Variants in ZNF157 observed in about 807,000 individuals in gnomAD.
ZNF157 encodes the protein zinc finger protein 157.
A neutral mutation model predicts 9.4 loss-of-function variants in ZNF157; 8 were observed. The observed-to-expected ratio is 0.85, with a 90% confidence interval of 0.50 to 1.53. ZNF157 has a LOEUF of 1.53. ZNF157 is among the 40% of genes most tolerant of loss of function. The probability of loss-of-function intolerance (pLI) is 0.00; values close to 1 mark genes in which losing one functional copy is unlikely to be tolerated. For missense variants in ZNF157, 316 were observed against 385.2 expected, an observed-to-expected ratio of 0.82 and a Z score of 1.50; for synonymous variants, 120 against 130.8, an observed-to-expected ratio of 0.92 and a Z score of 0.56.
chrX:47,408,943 A>G (rs1190846705), intron 1 of ZNF157, among the ~76,000 whole-genome samples: 1 of 112,034 alleles, frequency 8.9e-6, no homozygotes, highest in East Asian at 2.8e-4. Flanking sequence ...ACACAGATCC[A>G]AACCATATCA....
In ZNF157 at chrX:47,370,880, G is replaced by A. The variant is rs190949460; in HGVS notation, c.72+140G>A. On this transcript the variant is annotated intron_variant, in intron 1 of 3. Transcript: ENST00000377073. ...TTTTTGTCCCCAGTAGTAACATCTCGTAATACCCAGGATATTGACATGCAG... is the reference window on the plus strand; with the variant it reads ...TTTTTGTCCCCAGTAGTAACATCTCATAATACCCAGGATATTGACATGCAG... 81 of 499,248 alleles carry A rather than the reference G, an allele frequency of 1.6e-4. No individual in the cohort carries two copies. The Admixed American group carries it at 3.0e-3, about 18-fold the overall frequency. The allele number at this position is 499,248 out of a possible 1,213,427, so 41.1% of individuals were successfully genotyped here. A position where few individuals can be genotyped will look rare whatever the true frequency, so the allele number is the denominator to read the frequency against.
intron 1 of ZNF157, among the ~76,000 whole-genome samples, chrX:47,386,873 A>G (rs2055881128): frequency 8.9e-6 from 1 of 112,311 alleles, no homozygotes; most frequent in South Asian, 3.7e-4. Flanking sequence ...AGGAAGAAAA[A>G]AAAGAAGAAA....
At chrX:47,410,162 G>A in intron 1 of ZNF157, 114 bp from the exon 2 acceptor site, 1 of 1,026,554 alleles carries the variant, frequency 9.7e-7, no homozygotes, top group Non-Finnish European at 1.4e-6. Context: ...CACAAAATCA[G>A]GTATCCAGTG....
At position 47,412,364 on chromosome X, in the gene ZNF157, T is replaced by C; in HGVS notation, c.296-5T>C. The C allele has an allele frequency of 8.5e-7, 1 of 1,171,622 alleles. No homozygotes were observed. Among genetic ancestry groups the C allele is most frequent in the Admixed American group, 2.5e-5 (1 of 39,782 alleles). Reference sequence around the variant, plus strand: ...AGAGTGACATGCTGTGATTTATTTTTAAAGGATCTCTCTCACTGCTGTGTG... The same window carrying C: ...AGAGTGACATGCTGTGATTTATTTTCAAAGGATCTCTCTCACTGCTGTGTG... On this transcript the variant is annotated splice_region_variant and splice_polypyrimidine_tract_variant and intron_variant, in intron 3 of 3. Transcript: ENST00000377073.
chrX:47,413,340 T>C lies in ZNF157; in HGVS notation c.1267T>C (p.Phe423Leu). ...CGAATGTAGTGAATGTGGGAAAATC[T>C]TCAGTATGAAGAAATCCCTTTGTCA... The part of the protein sequence containing the change: ...PYECSECGKI[F>L]SMKKSLCQHR... Residue 423 changes from phenylalanine to leucine, a missense_variant, in exon 4 of 4, where the codon TTC (phenylalanine) becomes CTC (leucine). Physicochemically the swap from Phe to Leu is conservative, Grantham distance 22. Transcript: ENST00000377073. 1 of 1,211,658 alleles carries C rather than the reference T, an allele frequency of 8.3e-7. No homozygotes were observed. Among genetic ancestry groups the C allele is most frequent in the African/African-American group, 1.7e-5 (1 of 57,871 alleles).
chrX:47,394,413 A>C (rs1021225829), intron 1 of ZNF157, among the ~76,000 whole-genome samples: 3 of 111,775 alleles, frequency 2.7e-5, no homozygotes, highest in African/African-American at 9.7e-5. Flanking sequence ...CAAATCATCA[A>C]GTACTGGTTC....
At chrX:47,395,359 A>C (rs1435675818) in intron 1 of ZNF157, among the ~76,000 whole-genome samples, 3 of 111,638 alleles carry the variant, frequency 2.7e-5, no homozygotes, top group Non-Finnish European at 5.6e-5. Flanking sequence ...TTAATTGTAG[A>C]TGTTAATCAC....
chrX:47,410,543 C>T lies in ZNF157; in HGVS notation c.200-137C>T, dbSNP rs1449737474. The T allele has an allele frequency of 5.3e-6, 5 of 942,383 alleles. No individual in the cohort carries two copies. The South Asian group carries it at 9.5e-5, about 18-fold the overall frequency. The allele number at this position is 942,383 out of a possible 1,213,427, so 77.7% of individuals were successfully genotyped here. ...TTTAGGGCACCAGAAAAAATGTGTGCGTTCTTACTTCCCCAATGAAAGGTT... is the reference window on the plus strand; with the variant it reads ...TTTAGGGCACCAGAAAAAATGTGTGTGTTCTTACTTCCCCAATGAAAGGTT... On this transcript the variant is annotated intron_variant, in intron 2 of 3. Coordinates refer to ENST00000377073, the MANE Select transcript of ZNF157 (RefSeq NM_003446.4).
At chrX:47,393,983 G>A (rs1304394967) in intron 1 of ZNF157, among the ~76,000 whole-genome samples, 1 of 103,731 alleles carries the variant, frequency 9.6e-6, no homozygotes, top group Non-Finnish European at 2.0e-5. Flanking sequence ...TTTTTTTTGA[G>A]ATGGGGTCTT....
intron 1 of ZNF157, among the ~76,000 whole-genome samples, chrX:47,400,798 G>C (rs2055928347): frequency 1.8e-5 from 2 of 111,835 alleles, no homozygotes; most frequent in African/African-American, 6.5e-5. Flanking sequence ...TGGAACTACA[G>C]GCATGTGCCA....
At chrX:47,398,891 C>T (rs950748021) in intron 1 of ZNF157, among the ~76,000 whole-genome samples, 15 of 111,843 alleles carry the variant, frequency 1.3e-4, no homozygotes, top group African/African-American at 4.2e-4. Flanking sequence ...AGGCTGGTCT[C>T]GAACTCCTGA....
chrX:47,385,595 C>T (rs1476135836), intron 1 of ZNF157, among the ~76,000 whole-genome samples: 1 of 105,267 alleles, frequency 9.5e-6, no homozygotes, highest in Non-Finnish European at 2.0e-5. Context: ...GAGACAGAGT[C>T]TTGCTCATGT....
At chrX:47,375,086 G>A (rs766484604) in intron 1 of ZNF157, among the ~76,000 whole-genome samples, 45 of 83,103 alleles carry the variant, frequency 5.4e-4, no homozygotes, top group Non-Finnish European at 8.9e-4. Flanking sequence ...GCACGATCTT[G>A]GCTCACTGCA....
rs2055974857 is a variant in ZNF157, at chrX:47,413,791, T to G, written c.*197T>G. The G allele has an allele frequency of 1.3e-5, 8 of 620,739 alleles. No individual in the cohort carries two copies. The highest frequency in any genetic ancestry group is 1.6e-5 in the Non-Finnish European group (7 of 447,340). The allele number at this position is 620,739 out of a possible 1,213,427, so 51.2% of individuals were successfully genotyped here. A position where few individuals can be genotyped will look rare whatever the true frequency, so the allele number is the denominator to read the frequency against. On this transcript the variant is annotated 3_prime_UTR_variant, in exon 4 of 4. Coordinates refer to ENST00000377073, the MANE Select transcript of ZNF157 (RefSeq NM_003446.4). ...TTATCTGTTGATTGGCTATTTGGGT[T>G]TTTTCTTCTGTGCATTGACTGTTCA...
chrX:47,398,976 T>G (rs1245526923), intron 1 of ZNF157, among the ~76,000 whole-genome samples: 1 of 110,391 alleles, frequency 9.1e-6, no homozygotes, highest in Non-Finnish European at 1.9e-5. Flanking sequence ...CTGGCCTGTA[T>G]TTTTTAGTAG....
chrX:47,377,747 T>TA (rs200096522), intron 1 of ZNF157, among the ~76,000 whole-genome samples: 2,084 of 97,910 alleles, frequency 0.021, 56 homozygotes, highest in African/African-American at 0.082. Context: ...TTTTTTTTTT[T>TA]TAAAAAAAAC....
chrX:47,411,997 C>T (rs1361746870), intron 3 of ZNF157, among the ~76,000 whole-genome samples: 4 of 111,406 alleles, frequency 3.6e-5, no homozygotes, highest in South Asian at 7.5e-4. Flanking sequence ...CTCACTCTGT[C>T]GCCCAGACTG....
intron 1 of ZNF157, among the ~76,000 whole-genome samples, chrX:47,408,624 C>T (rs1470166472): frequency 9.0e-6 from 1 of 111,047 alleles, no homozygotes; most frequent in African/African-American, 3.3e-5. Flanking sequence ...CACCATGTTG[C>T]CCAGTCTGCT....
At chrX:47,375,697 CTTT>C (rs59526891) in intron 1 of ZNF157, among the ~76,000 whole-genome samples, 3 of 96,525 alleles carry the variant, frequency 3.1e-5, no homozygotes, top group Middle Eastern at 5.2e-3. Context: ...GTAGTTTTGC[CTTT>C]TTTTTTTTTT....
Sources: gnomAD v4.1 joint callset for allele counts (sites outside exome capture counted in the v4.1 genomes callset) on GRCh38, gnomAD v4.1.1 for gene constraint, MANE v1.5 for transcripts, NCBI Gene and HGNC (gene_info 2026-07-23, HGNC 2026-07-21) for gene names.